Variants in ZNF676 observed in about 807,000 individuals in gnomAD.
ZNF676 encodes the protein zinc finger protein 676.
A neutral mutation model predicts 6.0 loss-of-function variants in ZNF676; 4 were observed. The ratio of observed to expected loss-of-function variants is 0.67; its 90% confidence interval spans 0.33 to 1.53. The LOEUF (loss-of-function observed/expected upper bound fraction) is 1.53. Ranked by LOEUF, ZNF676 falls within the 40% of genes most tolerant of loss-of-function variation. The pLI is 0.06. For missense variants in ZNF676, 644 were observed against 679.7 expected (o/e 0.95, Z 0.58); for synonymous variants, 198 against 223.1 (o/e 0.89, Z 1.00).
upstream of ZNF676, among the ~76,000 whole-genome samples, chr19:22,216,764 C>G (rs1248929233): frequency 1.3e-5 from 2 of 151,072 alleles, no homozygotes; most frequent in African/African-American, 4.9e-5. Context: ...GCTGGGATTA[C>G]AGGCGCCCAC....
the ZNF676 span, among the ~76,000 whole-genome samples, chr19:22,233,458 C>T: frequency 6.6e-6 from 1 of 152,182 alleles, no homozygotes; most frequent in Non-Finnish European, 1.5e-5. Context: ...TATCACGTAG[C>T]TTTGTCCTGG....
intron 2 of ZNF676, among the ~76,000 whole-genome samples, chr19:22,183,730 T>C (rs1415357366): frequency 3.3e-5 from 5 of 152,198 alleles, no homozygotes; most frequent in African/African-American, 9.6e-5. Context: ...AGTGGCAAGA[T>C]GGAAGTAGAC....
chr19:22,244,628 T>C, the ZNF676 span: 8 of 152,204 alleles, frequency 5.3e-5, no homozygotes, highest in African/African-American at 1.9e-4. Context: ...CCCAGTGATA[T>C]TTTACAATGC....
At chr19:22,184,058 G>A (rs2023797559) in intron 2 of ZNF676, among the ~76,000 whole-genome samples, 1 of 152,068 alleles carries the variant, frequency 6.6e-6, no homozygotes, top group Non-Finnish European at 1.5e-5. Context: ...GAAAATAGAG[G>A]AGGCTGGCAA....
chr19:22,186,103 A>G (rs2023835170), intron 2 of ZNF676, among the ~76,000 whole-genome samples: 1 of 152,186 alleles, frequency 6.6e-6, no homozygotes, highest in East Asian at 1.9e-4. Context: ...GTTGAAATGA[A>G]GAAAAAAATG....
At chr19:22,191,728 C>A (rs1168187084) in intron 2 of ZNF676, among the ~76,000 whole-genome samples, 3 of 152,136 alleles carry the variant, frequency 2.0e-5, no homozygotes, top group Non-Finnish European at 4.4e-5. Flanking sequence ...TACAACTGCC[C>A]AAGCCCCTTG....
chr19:22,190,518 C>A (rs1389054521), intron 2 of ZNF676, among the ~76,000 whole-genome samples: 1 of 150,384 alleles, frequency 6.6e-6, no homozygotes, highest in East Asian at 1.9e-4. Flanking sequence ...AATAATAAAG[C>A]AATGTTGCAG....
chr19:22,187,280 T>C (rs1355116060), intron 2 of ZNF676, among the ~76,000 whole-genome samples: 1 of 152,044 alleles, frequency 6.6e-6, no homozygotes, highest in Non-Finnish European at 1.5e-5. Context: ...ACAGGGTAAA[T>C]AATTAAATGA....
chr19:22,214,062 A>C (rs1327304491), intron 1 of ZNF676, among the ~76,000 whole-genome samples: 1 of 152,268 alleles, frequency 6.6e-6, no homozygotes, highest in African/African-American at 2.4e-5. Flanking sequence ...CAAAATGTAC[A>C]CTAAAGGACA....
At chr19:22,227,018 CA>C in the ZNF676 span, among the ~76,000 whole-genome samples, 1 of 152,106 alleles carries the variant, frequency 6.6e-6, no homozygotes, top group South Asian at 2.1e-4. Context: ...TCAAAATAAC[CA>C]AATTTTGAAA....
rs577032511 is a variant in ZNF676, at chr19:22,180,375, G to T, written c.1342C>A (p.Pro448Thr). ...TTGCCACATTCTTCACATTTGTAGG[G>T]TTTCTCTCCAGCATGAATTCTCTTG... is the stretch of plus-strand genomic sequence containing the variant. ...EHKRIHAGEK[P>T]YKCEECGKAF... Residue 448 changes from proline to threonine, a missense_variant, in exon 3 of 3, where the codon CCC becomes ACC. Transcript: ENST00000397121. 5 of 1,613,862 alleles carry T rather than the reference G, an allele frequency of 3.1e-6. No individual in the cohort carries two copies. Among genetic ancestry groups the T allele is most frequent in the African/African-American group, 2.7e-5 (2 of 75,004 alleles).
chr19:22,209,766 A>G (rs533876440), intron 1 of ZNF676, among the ~76,000 whole-genome samples: 7 of 152,360 alleles, frequency 4.6e-5, no homozygotes, highest in Admixed American at 2.0e-4. Context: ...TTCTGGGTCC[A>G]TGCAGCCAGA....
intron 1 of ZNF676, among the ~76,000 whole-genome samples, chr19:22,215,037 T>A (rs928618831): frequency 3.0e-5 from 2 of 66,692 alleles, no homozygotes; most frequent in Non-Finnish European, 5.5e-5. Context: ...CGAGACTCCA[T>A]CTCAAAAAAA....
upstream of ZNF676, among the ~76,000 whole-genome samples, chr19:22,198,243 G>T (rs756761891): frequency 6.6e-6 from 1 of 152,056 alleles, no homozygotes; most frequent in Non-Finnish European, 1.5e-5. Flanking sequence ...CAGCCACAAA[G>T]GGACATTTTT....
chr19:22,196,884 A>T lies in ZNF676; in HGVS notation c.-251T>A. On this transcript the variant is annotated 5_prime_UTR_variant, in exon 1 of 3. Coordinates refer to ENST00000397121, the MANE Select transcript of ZNF676 (RefSeq NM_001001411.3). ...AATAGTTTTCAACACAGAAATGTTC[A>T]CTAATGTATTCTCTAACTCTGAGAA... 1 of 709,448 alleles carries T rather than the reference A, an allele frequency of 1.4e-6. No individual in the cohort carries two copies. Among genetic ancestry groups the T allele is most frequent in the East Asian group, 2.7e-5 (1 of 36,806 alleles). The allele number at this position is 709,448 out of a possible 1,614,324, so 43.9% of individuals were successfully genotyped here. A position where few individuals can be genotyped will look rare whatever the true frequency, so the allele number is the denominator to read the frequency against.
chr19:22,247,693 G>A, the ZNF676 span, among the ~76,000 whole-genome samples: 17 of 152,156 alleles, frequency 1.1e-4, no homozygotes, highest in Non-Finnish European at 2.1e-4. Context: ...GCTGAGGCAG[G>A]AGAATGTCTT....
rs2023748438 is a variant in ZNF676, at chr19:22,181,410, G to A, written c.307C>T (p.Gln103Ter). 1 of 1,613,514 alleles carries A rather than the reference G, an allele frequency of 6.2e-7. No homozygotes were observed. Among genetic ancestry groups the A allele is most frequent in the Non-Finnish European group, 8.5e-7 (1 of 1,179,644 alleles). ...TTGCTCTGTGTAGTTGTTAAACTCT[G>A]GTTAAGTTTATTATAACCTTCTTTG... Reference protein sequence around the residue: ...VHKEGYNKLNQSLTTTQSKVF... With the variant: ...VHKEGYNKLN The change falls in exon 3 of 3, where the codon CAG (glutamine) becomes TAG (stop). Residue 103 changes from glutamine to a stop codon, truncating the protein, a stop_gained. Transcript: ENST00000397121. LOFTEE classifies it low-confidence loss of function (END_TRUNC).
At chr19:22,254,673 A>C in the ZNF676 span, among the ~76,000 whole-genome samples, 1 of 152,190 alleles carries the variant, frequency 6.6e-6, no homozygotes, top group Non-Finnish European at 1.5e-5. Flanking sequence ...TTGCATCACA[A>C]AAGTGTTTGG....
the ZNF676 span, among the ~76,000 whole-genome samples, chr19:22,258,711 A>G: frequency 0.019 from 2,839 of 152,270 alleles, 89 homozygotes; most frequent in African/African-American, 0.065. Context: ...TGTTGGGTGC[A>G]GTGATATGTC....
Sources: allele counts gnomAD v4.1 joint callset (sites outside exome capture counted in the v4.1 genomes callset), GRCh38; gene constraint gnomAD v4.1.1; transcripts MANE v1.5; gene names NCBI Gene and HGNC (gene_info 2026-07-23, HGNC 2026-07-21).